ADAMTS18: variants seen among roughly 807,000 people sequenced by gnomAD.
ADAMTS18 encodes ADAM metallopeptidase with thrombospondin type 1 motif 18.
Under a neutral mutation model 165.9 loss-of-function variants are expected in ADAMTS18, and 157 were observed. The ratio of observed to expected loss-of-function variants is 0.95; its 90% CI spans 0.83 to 1.08. The LOEUF is 1.08. ADAMTS18 is among the 50% of genes least tolerant of loss of function. The pLI is 0.00. For synonymous variants in ADAMTS18, 782 were observed against 578.2 expected, an observed-to-expected ratio of 1.35 and a Z score of -5.06; for missense variants, 2,040 against 1,534.0, an observed-to-expected ratio of 1.33 and a Z score of -5.51.
intron 3 of ADAMTS18, among the ~76,000 whole-genome samples, chr16:77,400,650 T>G (rs1311875142): frequency 2.0e-5 from 3 of 151,550 alleles, no homozygotes; most frequent in Non-Finnish European, 4.4e-5. Flanking sequence ...CCCGGCTAAT[T>G]TTTTGTATTT....
intron 12 of ADAMTS18, among the ~76,000 whole-genome samples, chr16:77,331,999 G>C (rs2056197276): frequency 6.6e-6 from 1 of 152,132 alleles, no homozygotes; most frequent in Non-Finnish European, 1.5e-5. Flanking sequence ...TCACCAAATA[G>C]TTACGCAATG....
At chr16:77,300,485 A>G in intron 16 of ADAMTS18, 81 bp from the exon 17 acceptor site, 1 of 1,492,054 alleles carries the variant, frequency 6.7e-7, no homozygotes, top group Non-Finnish European at 9.3e-7. Flanking sequence ...AACATTTTAA[A>G]GATATTTACA....
At chr16:77,284,675 G>A (rs1400760102) in intron 22 of ADAMTS18, among the ~76,000 whole-genome samples, 1 of 152,102 alleles carries the variant, frequency 6.6e-6, no homozygotes, top group Non-Finnish European at 1.5e-5. Flanking sequence ...CAAGATCAAT[G>A]TCTGATCCTC....
At chr16:77,363,744 A>C in intron 6 of ADAMTS18, 58 bp downstream of exon 6, 3 of 1,531,278 alleles carry the variant, frequency 2.0e-6, no homozygotes, top group Non-Finnish European at 2.7e-6. Context: ...GTAGGTGTTC[A>C]AGAAATGTAT....
intron 3 of ADAMTS18, among the ~76,000 whole-genome samples, chr16:77,412,689 A>C (rs958435384): frequency 6.6e-6 from 1 of 152,158 alleles, no homozygotes; most frequent in Non-Finnish European, 1.5e-5. Context: ...AGAGAGAATG[A>C]GAACCAATGG....
intron 16 of ADAMTS18, among the ~76,000 whole-genome samples, chr16:77,318,755 C>CT (rs905653511): frequency 2.3e-4 from 35 of 151,380 alleles, no homozygotes; most frequent in East Asian, 5.8e-4. Flanking sequence ...GTCTTTTAAT[C>CT]TTTTTTTTTC....
At chr16:77,284,180 G>C (rs1227132859) in intron 22 of ADAMTS18, 109 bp from the exon 23 acceptor site, 1 of 727,534 alleles carries the variant, frequency 1.4e-6, no homozygotes, top group East Asian at 2.9e-5. Context: ...GAGTGCAGTG[G>C]TGTGGTGTGA....
At chr16:77,363,172 G>C (rs1458240430) in intron 6 of ADAMTS18, among the ~76,000 whole-genome samples, 1 of 152,182 alleles carries the variant, frequency 6.6e-6, no homozygotes, top group East Asian at 1.9e-4. Context: ...ACACTACAAA[G>C]CAGTGAGTAC....
intron 3 of ADAMTS18, among the ~76,000 whole-genome samples, chr16:77,407,403 AATTCAATGC>A (rs1330804153): frequency 6.6e-6 from 1 of 152,102 alleles, no homozygotes; most frequent in African/African-American, 2.4e-5. Flanking sequence ...TTAGCCTGTA[AATTCAATGC>A]AGTCCAAATA....
intron 3 of ADAMTS18, among the ~76,000 whole-genome samples, chr16:77,375,652 T>C (rs1433998837): frequency 6.6e-6 from 1 of 152,090 alleles, no homozygotes; most frequent in Non-Finnish European, 1.5e-5. Flanking sequence ...AAGAAGGAGA[T>C]GGACTGGGGA....
At chr16:77,289,847 G>GAATT (rs1567454221) in intron 21 of ADAMTS18, among the ~76,000 whole-genome samples, 1 of 152,186 alleles carries the variant, frequency 6.6e-6, no homozygotes, top group Admixed American at 6.5e-5. Flanking sequence ...GACAGCTCTG[G>GAATT]AATTAGGTCC....
At chr16:77,354,833 T>C (rs1016024369) in intron 9 of ADAMTS18, among the ~76,000 whole-genome samples, 3 of 152,206 alleles carry the variant, frequency 2.0e-5, no homozygotes, top group Admixed American at 6.5e-5. Context: ...TCAGCCTATG[T>C]TAAGTTGATC....
intron 12 of ADAMTS18, among the ~76,000 whole-genome samples, chr16:77,334,619 GTATA>G (rs567441360): frequency 1.8e-5 from 2 of 109,098 alleles, no homozygotes; most frequent in Non-Finnish European, 3.4e-5. Flanking sequence ...ATAGTATATA[GTATA>G]TATACTATAG....
chr16:77,328,348 T>A (rs935465104), intron 12 of ADAMTS18, among the ~76,000 whole-genome samples: 3 of 152,102 alleles, frequency 2.0e-5, no homozygotes, highest in African/African-American at 7.2e-5. Flanking sequence ...GAAAGGCGGC[T>A]CCAGGTTAAT....
intron 3 of ADAMTS18, among the ~76,000 whole-genome samples, chr16:77,420,002 TAA>T (rs34486248): frequency 3.8e-4 from 35 of 91,248 alleles, no homozygotes; most frequent in Admixed American, 8.9e-4. Flanking sequence ...TGTCGCAGAT[TAA>T]AAAAAAAAAA....
At chr16:77,387,872 G>T (rs948271895) in intron 3 of ADAMTS18, among the ~76,000 whole-genome samples, 1 of 152,128 alleles carries the variant, frequency 6.6e-6, no homozygotes, top group Non-Finnish European at 1.5e-5. Context: ...CCCCATTTGG[G>T]TGCTGCAGAC....
chr16:77,425,917 A>T (rs1298715761), intron 3 of ADAMTS18, among the ~76,000 whole-genome samples: 2 of 152,110 alleles, frequency 1.3e-5, no homozygotes, highest in Non-Finnish European at 2.9e-5. Flanking sequence ...GTGGTGGTGG[A>T]TGCCTGTAAT....
Position 77,325,878 on chromosome 16 carries a change from T to C in ADAMTS18, c.2020A>G (p.Thr674Ala), listed in dbSNP as rs2056085678. Reference protein sequence around the residue: ...RGWFYQWKPYTKVEEEDRCKL... With the variant: ...RGWFYQWKPYAKVEEEDRCKL... ...GAGACCAAATTACCTTCCACTTTTG[T>C]ATAGGGTTTCCACTGGTAGAACCAT... The change falls in exon 13 of 23, where the codon ACA becomes GCA. Residue 674 changes from threonine (T) to alanine (A), a missense_variant. Physicochemically the swap from Thr to Ala is moderately conservative, Grantham distance 58. Transcript: ENST00000282849. 2 of 1,613,752 alleles carry C rather than the reference T, an allele frequency of 1.2e-6. No individual in the cohort carries two copies. Among genetic ancestry groups the C allele is most frequent in the Non-Finnish European group, 1.7e-6 (2 of 1,179,850 alleles).
At chr16:77,370,804 T>G (rs2056865643) in intron 3 of ADAMTS18, among the ~76,000 whole-genome samples, 1 of 151,254 alleles carries the variant, frequency 6.6e-6, no homozygotes. Context: ...TATATATATA[T>G]ATACATATAC....
Sources: gnomAD v4.1 joint callset for allele counts (sites outside exome capture counted in the v4.1 genomes callset) on GRCh38, gnomAD v4.1.1 for gene constraint, MANE v1.5 for transcripts, NCBI Gene and HGNC (gene_info 2026-07-23, HGNC 2026-07-21) for gene names.